DUSP16: variants seen among roughly 807,000 people sequenced by gnomAD.
The protein encoded by DUSP16 is dual specificity phosphatase 16.
DUSP16 carries 21 observed loss-of-function variants against 58.3 expected under a neutral mutation model. The observed-to-expected ratio is 0.36, with a 90% confidence interval of 0.26 to 0.52. The LOEUF (loss-of-function observed/expected upper bound fraction) is 0.52. DUSP16 is among the 20% of genes least tolerant of loss of function. DUSP16 has a pLI of 0.94. For missense variants in DUSP16, 726 were observed against 819.0 expected (o/e 0.89, Z 1.39); for synonymous variants, 320 against 323.8 (o/e 0.99, Z 0.12).
intron 4 of DUSP16, among the ~76,000 whole-genome samples, chr12:12,490,045 C>G (rs190753016): frequency 2.0e-5 from 3 of 152,304 alleles, no homozygotes; most frequent in Non-Finnish European, 2.9e-5. Context: ...TCCTGAGTAG[C>G]TGGAACTACA....
chr12:12,523,120 T>C (rs908812793), intron 1 of DUSP16, among the ~76,000 whole-genome samples: 101 of 152,306 alleles, frequency 6.6e-4, no homozygotes, highest in African/African-American at 2.3e-3. Context: ...TGGAGCATGA[T>C]ATAAAGAGAT....
At chr12:12,493,773 A>G (rs1943793109) in intron 4 of DUSP16, among the ~76,000 whole-genome samples, 1 of 152,166 alleles carries the variant, frequency 6.6e-6, no homozygotes, top group Non-Finnish European at 1.5e-5. Context: ...CTCTATCTCA[A>G]TTAGGCCACT....
intron 4 of DUSP16, 93 bp from the exon 5 acceptor site, chr12:12,487,280 C>T (rs1943699630): frequency 1.5e-6 from 2 of 1,360,694 alleles, no homozygotes; most frequent in East Asian, 4.8e-5. Flanking sequence ...GATAAAAATG[C>T]CCAGTTTCCT....
intron 1 of DUSP16, among the ~76,000 whole-genome samples, chr12:12,523,401 G>A (rs2136234400): frequency 6.6e-6 from 1 of 152,278 alleles, no homozygotes; most frequent in South Asian, 2.1e-4. Flanking sequence ...AAAAACAGAT[G>A]TAATTCCATC....
chr12:12,515,839 G>A (rs898744901), intron 3 of DUSP16, among the ~76,000 whole-genome samples: 5 of 151,742 alleles, frequency 3.3e-5, no homozygotes, highest in East Asian at 1.9e-4. Flanking sequence ...GCAGTGATGC[G>A]ATCTTGGCTC....
chr12:12,503,048 C>T (rs1490336366), intron 3 of DUSP16, among the ~76,000 whole-genome samples: 1 of 136,954 alleles, frequency 7.3e-6, no homozygotes, highest in Non-Finnish European at 1.5e-5. Flanking sequence ...TTACCACTTT[C>T]TAGTTGTCTG....
intron 4 of DUSP16, among the ~76,000 whole-genome samples, chr12:12,498,861 T>C (rs1375630491): frequency 6.6e-6 from 1 of 152,186 alleles, no homozygotes; most frequent in Non-Finnish European, 1.5e-5. Flanking sequence ...GCCCAAGGTG[T>C]TGTCCTATAA....
chr12:12,517,861 A>C (rs1170564326), intron 3 of DUSP16, among the ~76,000 whole-genome samples: 1 of 152,186 alleles, frequency 6.6e-6, no homozygotes, highest in Non-Finnish European at 1.5e-5. Context: ...TTCCTGTTTG[A>C]AACAGGGATG....
intron 1 of DUSP16, among the ~76,000 whole-genome samples, chr12:12,524,713 C>CAG (rs1944279171): frequency 6.6e-6 from 1 of 152,154 alleles, no homozygotes; most frequent in South Asian, 2.1e-4. Flanking sequence ...AAATCCAGAG[C>CAG]AGACCAGCTT....
intron 4 of DUSP16, among the ~76,000 whole-genome samples, chr12:12,488,241 ACT>A (rs1433235364): frequency 1.6e-5 from 2 of 124,978 alleles, no homozygotes; most frequent in African/African-American, 5.6e-5. Flanking sequence ...TCCAGAAGAC[ACT>A]CTTCCCACTT....
At chr12:12,500,488 C>T in intron 4 of DUSP16, 31 bp downstream of exon 4, 4 of 1,579,624 alleles carry the variant, frequency 2.5e-6, no homozygotes, top group Non-Finnish European at 2.6e-6. Flanking sequence ...AATATAAACC[C>T]AGCAATGAAG....
intron 3 of DUSP16, among the ~76,000 whole-genome samples, chr12:12,517,239 G>A (rs570693640): frequency 9.9e-5 from 15 of 152,122 alleles, no homozygotes; most frequent in Non-Finnish European, 1.2e-4. Flanking sequence ...GTTCTAAACC[G>A]ATGGAAAAAT....
At chr12:12,540,202 G>T (rs568340292) in intron 1 of DUSP16, among the ~76,000 whole-genome samples, 1 of 151,986 alleles carries the variant, frequency 6.6e-6, no homozygotes, top group East Asian at 1.9e-4. Context: ...AGCTACTAGT[G>T]AGGCTAAGCC....
chr12:12,477,123 A>C lies in DUSP16; in HGVS notation c.1708T>G (p.Ser570Ala), dbSNP rs1206642754. Residue 570 changes from serine to alanine, a missense_variant, in exon 7 of 7, where the codon TCA becomes GCA. Coordinates refer to ENST00000298573, the MANE Select transcript of DUSP16 (RefSeq NM_030640.3). The surrounding 1 kb of genome is among the most constrained non-coding windows in gnomAD (Gnocchi z 4.1). ...ATESSHFYSA[S>A]AIYGGSASYS... ...CTGGCACTGCCTCCGTAGATGGCTG[A>C]GGCAGAGTAGAAGTGTGAGGACTCT... is the stretch of plus-strand genomic sequence containing the variant. 1 of 1,614,112 alleles carries C rather than the reference A, an allele frequency of 6.2e-7. No individual in the cohort carries two copies. The highest frequency in any genetic ancestry group is 1.3e-5 in the African/African-American group (1 of 74,940).
Position 12,476,861 on chromosome 12 carries a change from C to A in DUSP16, c.1970G>T (p.Gly657Val), listed in dbSNP as rs1201331823. 2 of 1,609,308 alleles carry A rather than the reference C, an allele frequency of 1.2e-6. No homozygotes were observed. Among genetic ancestry groups the A allele is most frequent in the African/African-American group, 2.7e-5 (2 of 74,874 alleles). ...GKVGSQSSFSGSMEIIEVS is the reference protein window; with the variant it reads ...GKVGSQSSFSVSMEIIEVS ...GGAGACCTCAATGATTTCCATGCTG[C>A]CCGAAAAGCTAGACTGACTGCCCAC... is the stretch of plus-strand genomic sequence containing the variant. Residue 657 changes from glycine (G) to valine (V), a missense_variant, in exon 7 of 7, where the codon GGC (glycine) becomes GTC (valine). Physicochemically the swap from Gly to Val is moderately radical, Grantham distance 109 (BLOSUM62 -3). Transcript: ENST00000298573.
chr12:12,488,332 C>G (rs1351580038), intron 4 of DUSP16, among the ~76,000 whole-genome samples: 1 of 152,196 alleles, frequency 6.6e-6, no homozygotes, highest in Non-Finnish European at 1.5e-5. Flanking sequence ...TTCCAAAGTA[C>G]TTTGTTCACA....
intron 4 of DUSP16, among the ~76,000 whole-genome samples, chr12:12,492,875 C>CA (rs1305915756): frequency 1.3e-5 from 2 of 152,190 alleles, no homozygotes; most frequent in East Asian, 3.9e-4. Flanking sequence ...TCCTGGAAAA[C>CA]ACGTTGTTTA....
In DUSP16 at chr12:12,480,309, G is replaced by A. The variant is rs1331162015; in HGVS notation, c.729C>T (p.His243=). 1.2e-6 allele frequency: 2 copies of A among 1,614,158 alleles called. No homozygotes were observed. The highest frequency in any genetic ancestry group is 1.7e-6 in the Non-Finnish European group (2 of 1,180,006). ...AKASNGCVLV[H]CLAGISRSAT... ...CGGAGCGGGAGATCCCAGCTAAACA[G>A]TGCACTAGAACACATCCATTGGAGG... Residue 243 remains histidine (H), a synonymous_variant, in exon 6 of 7, where the codon CAC becomes CAT. Transcript: ENST00000298573.
At chr12:12,559,906 AT>A (rs1436397407) in intron 1 of DUSP16, among the ~76,000 whole-genome samples, 1 of 152,058 alleles carries the variant, frequency 6.6e-6, no homozygotes, top group African/African-American at 2.4e-5. Flanking sequence ...CCCACAAATA[AT>A]TTTTAAACGT....
Sources: allele counts gnomAD v4.1 joint callset (sites outside exome capture counted in the v4.1 genomes callset), GRCh38; gene constraint gnomAD v4.1.1; non-coding constraint Gnocchi (gnomAD v3.1); transcripts MANE v1.5; gene names NCBI Gene and HGNC (gene_info 2026-07-23, HGNC 2026-07-21).